Variants in FRG1 observed in about 807,000 individuals in gnomAD.
FRG1 encodes the protein FSHD region gene 1.
Under a neutral mutation model 37.0 loss-of-function variants are expected in FRG1, and 19 were observed. The observed-to-expected ratio is 0.51, with a 90% confidence interval of 0.36 to 0.75. The LOEUF (loss-of-function observed/expected upper bound fraction) is 0.75. Ranked by LOEUF, FRG1 falls within the 30% of genes least tolerant of loss-of-function variation. The probability of loss-of-function intolerance (pLI) is 0.00; values close to 1 mark genes in which losing one functional copy is unlikely to be tolerated. For synonymous variants in FRG1, 73 were observed against 96.5 expected, an observed-to-expected ratio of 0.76 and a Z score of 1.43; for missense variants, 243 against 301.4, an observed-to-expected ratio of 0.81 and a Z score of 1.44.
chr4:189,960,970 A>T lies in FRG1; in HGVS notation c.629+131A>T. ...ATAGGCCCAGCTACTCGGGAGGCTG[A>T]GACAGGAGGATTGTTTGAGCCCAGG... On this transcript the variant is annotated intron_variant, in intron 7 of 8. Transcript: ENST00000226798. 8 of 988,732 alleles carry T rather than the reference A, an allele frequency of 8.1e-6. No homozygotes were observed. In the South Asian group the frequency reaches 1.2e-4, roughly 15 times the overall value. The allele number at this position is 988,732 out of a possible 1,614,324, so 61.2% of individuals were successfully genotyped here.
At chr4:189,948,232 A>G (rs1394376381) in intron 2 of FRG1, among the ~76,000 whole-genome samples, 1 of 152,342 alleles carries the variant, frequency 6.6e-6, no homozygotes, top group Non-Finnish European at 1.5e-5. Context: ...GTTCCTCACA[A>G]GGATCTGAAG....
intron 6 of FRG1, chr4:189,959,806 T>A (rs561525450): frequency 3.6e-6 from 3 of 833,068 alleles, no homozygotes; most frequent in East Asian, 2.5e-4. Flanking sequence ...CTCTGAACAG[T>A]GATTATTTAG....
chr4:189,959,340 G>A (rs1737131938), intron 6 of FRG1, among the ~76,000 whole-genome samples: 1 of 152,146 alleles, frequency 6.6e-6, no homozygotes. Flanking sequence ...CTGTGAGGTG[G>A]ATGTGAGCTC....
At position 189,952,148 on chromosome 4, in the gene FRG1, ATTTTAT is replaced by A; in HGVS notation, c.134-9_134-4del. ...ACTAAAATATAAAGTTGAAATATTG[ATTTTAT>A]TTTTTAGGAATCTGGTGGACAGTAA... On this transcript the variant is annotated splice_polypyrimidine_tract_variant and splice_region_variant and intron_variant, in intron 2 of 8. Transcript: ENST00000226798. 2 of 1,534,838 alleles carry A rather than the reference ATTTTAT, an allele frequency of 1.3e-6. No individual in the cohort carries two copies. Among genetic ancestry groups the A allele is most frequent in the Non-Finnish European group, 1.8e-6 (2 of 1,135,932 alleles).
At chr4:189,941,825 A>C (rs1326493747) in intron 1 of FRG1, 1 of 433,948 alleles carries the variant, frequency 2.3e-6, no homozygotes, top group Non-Finnish European at 4.6e-6. Flanking sequence ...TTCTTTTTTA[A>C]CTGGCAGATT....
intron 6 of FRG1, among the ~76,000 whole-genome samples, chr4:189,958,199 T>G (rs1416030517): frequency 1.3e-5 from 2 of 152,298 alleles, no homozygotes; most frequent in Non-Finnish European, 2.9e-5. Context: ...ATTTAGTCTT[T>G]TATAGATGGA....
chr4:189,955,209 C>T (rs1268327202), intron 5 of FRG1, 58 bp downstream of exon 5: 15 of 977,642 alleles, frequency 1.5e-5, no homozygotes, highest in Non-Finnish European at 1.8e-5. Context: ...AGTCTGTTAA[C>T]AGTCAATCAT....
chr4:189,952,672 T>C (rs1330447522), intron 3 of FRG1, among the ~76,000 whole-genome samples: 1 of 152,066 alleles, frequency 6.6e-6, no homozygotes. Context: ...CTTTAGCCCA[T>C]TAGAGGAAGC....
intron 2 of FRG1, among the ~76,000 whole-genome samples, chr4:189,946,546 T>G (rs1267827382): frequency 6.6e-6 from 1 of 152,184 alleles, no homozygotes; most frequent in Non-Finnish European, 1.5e-5. Context: ...TTATTGCTTC[T>G]TAGGAAGGGA....
chr4:189,945,887 G>A (rs562520322), intron 2 of FRG1, among the ~76,000 whole-genome samples: 4 of 152,238 alleles, frequency 2.6e-5, no homozygotes, highest in African/African-American at 7.2e-5. Context: ...AGCTGAACCC[G>A]GAGGGTTTTG....
At chr4:189,945,204 G>C (rs904420972) in intron 2 of FRG1, among the ~76,000 whole-genome samples, 13 of 152,154 alleles carry the variant, frequency 8.5e-5, no homozygotes, top group African/African-American at 2.9e-4. Flanking sequence ...TGTTTCCTGT[G>C]ACTATCGTTT....
chr4:189,961,028 T>A (rs1193128461), intron 7 of FRG1, 189 bp downstream of exon 7: 1 of 575,886 alleles, frequency 1.7e-6, no homozygotes, highest in Admixed American at 3.5e-5. Context: ...TGATCACCAC[T>A]GCCTTCCAGC....
intron 2 of FRG1, among the ~76,000 whole-genome samples, chr4:189,948,196 T>C (rs1317356004): frequency 6.6e-6 from 1 of 152,190 alleles, no homozygotes; most frequent in African/African-American, 2.4e-5. Context: ...AAAAAAACCT[T>C]TTAATTTTTT....
chr4:189,961,088 G>C (rs975194031), intron 7 of FRG1: 108 of 401,106 alleles, frequency 2.7e-4, no homozygotes, highest in Middle Eastern at 2.3e-3. Context: ...TGATGGACAA[G>C]AAGAGACGAC....
chr4:189,952,743 T>A (rs1363097652), intron 3 of FRG1, among the ~76,000 whole-genome samples: 2 of 152,184 alleles, frequency 1.3e-5, no homozygotes, highest in Non-Finnish European at 2.9e-5. Context: ...AGCAAGGCCA[T>A]CCCTTGAATA....
intron 2 of FRG1, among the ~76,000 whole-genome samples, chr4:189,943,798 AT>A (rs1427607099): frequency 6.6e-6 from 1 of 151,910 alleles, no homozygotes; most frequent in Non-Finnish European, 1.5e-5. Context: ...TTCCATACAT[AT>A]TTTTTTCTCT....
intron 6 of FRG1, among the ~76,000 whole-genome samples, chr4:189,959,495 A>G (rs4145509): frequency 6.6e-6 from 1 of 152,106 alleles, no homozygotes; most frequent in South Asian, 2.1e-4. Context: ...GCCACTCTCA[A>G]TATTTCATAG....
chr4:189,951,058 T>G (rs1451122696), intron 2 of FRG1, among the ~76,000 whole-genome samples: 2 of 152,230 alleles, frequency 1.3e-5, no homozygotes, highest in African/African-American at 4.8e-5. Flanking sequence ...TTGAGGATAT[T>G]TTTTAACATT....
intron 2 of FRG1, among the ~76,000 whole-genome samples, chr4:189,947,419 C>A (rs1267189561): frequency 6.6e-6 from 1 of 152,206 alleles, no homozygotes; most frequent in Non-Finnish European, 1.5e-5. Flanking sequence ...TGTCTTGATG[C>A]CTAGTCAAAT....
Sources: allele counts gnomAD v4.1 joint callset (sites outside exome capture counted in the v4.1 genomes callset), GRCh38; gene constraint gnomAD v4.1.1; transcripts MANE v1.5; gene names NCBI Gene and HGNC (gene_info 2026-07-23, HGNC 2026-07-21).